Variants in GTF2E1 observed in about 807,000 individuals in gnomAD.
The protein encoded by GTF2E1 is general transcription factor IIE subunit 1.
In GTF2E1, 14 loss-of-function variants were observed where a neutral mutation model predicts 34.9. That is an observed-to-expected ratio of 0.40 (90% CI 0.27 to 0.63). The LOEUF is 0.63. Among genes scored for constraint, GTF2E1 ranks in the 20% least tolerant of loss-of-function variants. The pLI is 0.39. For missense variants in GTF2E1, 469 were observed against 557.7 expected (o/e 0.84, Z 1.60); for synonymous variants, 188 against 192.9 (o/e 0.97, Z 0.21).
At chr3:120,749,948 C>T (rs1295318327) in intron 1 of GTF2E1, 1 of 152,212 alleles carries the variant, frequency 6.6e-6, no homozygotes, top group African/African-American at 2.4e-5. Flanking sequence ...TTCAATTTTT[C>T]AAGGTTGGTA....
chr3:120,774,719 G>C (rs1232491573), intron 3 of GTF2E1, among the ~76,000 whole-genome samples: 2 of 152,076 alleles, frequency 1.3e-5, no homozygotes, highest in Non-Finnish European at 2.9e-5. Flanking sequence ...GCAAATAACT[G>C]GTAGAAAGTA....
intron 1 of GTF2E1, among the ~76,000 whole-genome samples, chr3:120,746,162 GTATT>G (rs1242851390): frequency 2.0e-5 from 3 of 152,136 alleles, no homozygotes; most frequent in Non-Finnish European, 4.4e-5. Flanking sequence ...TATAAAAAGA[GTATT>G]AAATCTGTTG....
chr3:120,760,009 A>C (rs768783810), intron 2 of GTF2E1, among the ~76,000 whole-genome samples: 2 of 152,228 alleles, frequency 1.3e-5, no homozygotes, highest in Non-Finnish European at 2.9e-5. Context: ...GATAACATTG[A>C]ATCTATAAAT....
At chr3:120,748,216 T>A (rs1709125571) in intron 1 of GTF2E1, among the ~76,000 whole-genome samples, 1 of 152,160 alleles carries the variant, frequency 6.6e-6, no homozygotes, top group African/African-American at 2.4e-5. Context: ...TTCACTCTGA[T>A]GGTAGTTTCT....
intron 4 of GTF2E1, among the ~76,000 whole-genome samples, chr3:120,779,415 A>G (rs959419159): frequency 3.3e-5 from 5 of 152,174 alleles, no homozygotes; most frequent in African/African-American, 4.8e-5. Flanking sequence ...GCCTTTGACA[A>G]TATTTTGAAG....
At chr3:120,765,842 T>G (rs1458134979) in intron 2 of GTF2E1, among the ~76,000 whole-genome samples, 2 of 152,240 alleles carry the variant, frequency 1.3e-5, no homozygotes, top group African/African-American at 2.4e-5. Flanking sequence ...AACCCCATCA[T>G]TTGTCAAGCT....
In GTF2E1 at chr3:120,754,211, T is replaced by G. The variant is rs943437532; in HGVS notation, c.448+3211T>G. Among the ~76,000 whole-genome samples the G allele has an allele frequency of 8.5e-5, 13 of 152,290 alleles. No homozygotes were observed. In the South Asian group the frequency reaches 2.5e-3, roughly 29 times the overall value. On this transcript the variant is annotated intron_variant, in intron 2 of 4. Transcript: ENST00000283875. The stretch of plus-strand genomic sequence containing the variant: ...AAGGGCAGAGGGGGATCTTAGCTCT[T>G]TTTAGATGTTAAGGTTAGATGATTT...
intron 3 of GTF2E1, among the ~76,000 whole-genome samples, chr3:120,774,938 T>C (rs1457107517): frequency 6.6e-6 from 1 of 152,228 alleles, no homozygotes; most frequent in African/African-American, 2.4e-5. Flanking sequence ...ACATTATTTT[T>C]TTGTTGCACA....
At chr3:120,750,424 T>G (rs1489714121) in intron 1 of GTF2E1, 99 bp from the exon 2 acceptor site, 5 of 709,304 alleles carry the variant, frequency 7.0e-6, no homozygotes, top group Non-Finnish European at 1.2e-5. Context: ...TTAGAAATCT[T>G]TTTAAACACT....
At chr3:120,774,565 G>T (rs1461294522) in intron 3 of GTF2E1, among the ~76,000 whole-genome samples, 1 of 150,856 alleles carries the variant, frequency 6.6e-6, no homozygotes, top group Admixed American at 6.6e-5. Context: ...TAACATCAAT[G>T]AATGCAGAAA....
intron 1 of GTF2E1, among the ~76,000 whole-genome samples, chr3:120,744,310 T>A (rs1709086128): frequency 6.6e-6 from 1 of 152,182 alleles, no homozygotes; most frequent in South Asian, 2.1e-4. Context: ...AGATTCAGCG[T>A]GAGTGGGAAG....
At chr3:120,755,080 T>C (rs1435124017) in intron 2 of GTF2E1, among the ~76,000 whole-genome samples, 2 of 152,190 alleles carry the variant, frequency 1.3e-5, no homozygotes. Flanking sequence ...CAGATTTTAG[T>C]ATTAGCATAA....
chr3:120,748,006 G>A (rs1294985476), intron 1 of GTF2E1, among the ~76,000 whole-genome samples: 3 of 151,570 alleles, frequency 2.0e-5, no homozygotes, highest in Non-Finnish European at 3.0e-5. Flanking sequence ...GCCAGTGATG[G>A]TGAGCATTTT....
chr3:120,744,428 C>T (rs145593862), intron 1 of GTF2E1, among the ~76,000 whole-genome samples: 4 of 152,292 alleles, frequency 2.6e-5, no homozygotes, highest in East Asian at 3.9e-4. Flanking sequence ...TTCATTTGTT[C>T]AGCTACCTGC....
chr3:120,779,734 C>T (rs1709431177), intron 4 of GTF2E1, among the ~76,000 whole-genome samples: 5 of 152,190 alleles, frequency 3.3e-5, no homozygotes, highest in Admixed American at 2.0e-4. Flanking sequence ...ACTTCACAGA[C>T]ATTCACTTAA....
At chr3:120,771,196 C>T (rs1027194105) in intron 3 of GTF2E1, among the ~76,000 whole-genome samples, 1 of 152,136 alleles carries the variant, frequency 6.6e-6, no homozygotes, top group Non-Finnish European at 1.5e-5. Context: ...CTTGGGACTG[C>T]AGCAACTCAG....
At chr3:120,759,649 C>T (rs1180348383) in intron 2 of GTF2E1, among the ~76,000 whole-genome samples, 1 of 152,172 alleles carries the variant, frequency 6.6e-6, no homozygotes, top group Non-Finnish European at 1.5e-5. Context: ...TTTCAGCTTT[C>T]TACATAGGGC....
chr3:120,750,812 C>T lies in GTF2E1; in HGVS notation c.260C>T (p.Thr87Ile), dbSNP rs780533876. The part of the protein sequence containing the change: ...RVETAADGKT[T>I]RHNYYFINYR... ...GAGACTGCTGCAGACGGGAAAACCA[C>T]TCGCCATAACTACTACTTCATCAAT... The change falls in exon 2 of 5, where the codon ACT becomes ATT. Residue 87 changes from threonine to isoleucine, a missense_variant. By Grantham distance (89) the Thr-to-Ile change is moderately conservative (BLOSUM62 -1). Coordinates refer to ENST00000283875, the MANE Select transcript of GTF2E1 (RefSeq NM_005513.3). The T allele has an allele frequency of 6.2e-7, 1 of 1,613,996 alleles. No homozygotes were observed. The highest frequency in any genetic ancestry group is 8.5e-7 in the Non-Finnish European group (1 of 1,179,928).
intron 2 of GTF2E1, among the ~76,000 whole-genome samples, chr3:120,764,773 G>C (rs1044477165): frequency 1.3e-5 from 2 of 151,860 alleles, no homozygotes; most frequent in African/African-American, 4.8e-5. Context: ...GTTTTTGGTG[G>C]GGTTTTCTTT....
Sources: allele counts gnomAD v4.1 joint callset (sites outside exome capture counted in the v4.1 genomes callset), GRCh38; gene constraint gnomAD v4.1.1; transcripts MANE v1.5; gene names NCBI Gene and HGNC (gene_info 2026-07-23, HGNC 2026-07-21).